CCDC102B: variants seen among roughly 807,000 people sequenced by gnomAD.
The protein encoded by CCDC102B is coiled-coil domain containing 102B, also known as coiled-coil domain-containing protein 102B.
Under a neutral mutation model 57.4 loss-of-function variants are expected in CCDC102B, and 75 were observed. That is an observed-to-expected ratio of 1.31 (90% CI 1.08 to 1.58). CCDC102B has a LOEUF of 1.58. Among genes scored for constraint, CCDC102B ranks in the 40% most tolerant of loss-of-function variants. The pLI is 0.00. For synonymous variants in CCDC102B, 206 were observed against 201.9 expected (o/e 1.02, Z -0.17); for missense variants, 636 against 582.6 (o/e 1.09, Z -0.94).
At position 68,843,430 on chromosome 18, in the gene CCDC102B, A is replaced by C. The variant is rs146759069; in HGVS notation, c.828-2883A>C. Among the ~76,000 whole-genome samples, 626 of 152,240 alleles carry C rather than the reference A, an allele frequency of 4.1e-3. 9 individuals are homozygous for C. Among genetic ancestry groups the C allele is most frequent in the African/African-American group, 0.014 (573 of 41,574 alleles). ...TATTAATTTTTAGGACCTTTCATCT[A>C]TGAGAAATATTTGAGTAATATTCTT... On this transcript the variant is annotated intron_variant, in intron 3 of 7. Transcript: ENST00000360242.
chr18:68,888,744 T>A (rs1309236062), intron 5 of CCDC102B, among the ~76,000 whole-genome samples: 1 of 152,182 alleles, frequency 6.6e-6, no homozygotes, highest in Admixed American at 6.5e-5. Flanking sequence ...AGAGAAACAA[T>A]GCCATGTTGT....
chr18:68,965,451 A>C (rs2050144852), intron 6 of CCDC102B, among the ~76,000 whole-genome samples: 1 of 149,194 alleles, frequency 6.7e-6, no homozygotes, highest in Non-Finnish European at 1.5e-5. Flanking sequence ...TTTTTCTGAG[A>C]GTTTCTGTGT....
chr18:68,742,007 A>G (rs945376096), intron 2 of CCDC102B, among the ~76,000 whole-genome samples: 21 of 152,192 alleles, frequency 1.4e-4, no homozygotes, highest in African/African-American at 5.1e-4. Context: ...AAACATCAAA[A>G]AATGGAGGCT....
intron 4 of CCDC102B, among the ~76,000 whole-genome samples, chr18:68,854,536 A>G (rs1404409598): frequency 6.6e-6 from 1 of 152,156 alleles, no homozygotes; most frequent in East Asian, 1.9e-4. Flanking sequence ...GCTCAGAAAT[A>G]TAAAAAAAAA....
intron 6 of CCDC102B, among the ~76,000 whole-genome samples, chr18:69,000,844 T>A (rs1268546400): frequency 6.6e-6 from 1 of 152,168 alleles, no homozygotes; most frequent in South Asian, 2.1e-4. Context: ...CATTACTTTT[T>A]TATATATATA....
At chr18:68,758,029 G>A (rs1200158597) in intron 2 of CCDC102B, among the ~76,000 whole-genome samples, 1 of 152,002 alleles carries the variant, frequency 6.6e-6, no homozygotes, top group African/African-American at 2.4e-5. Flanking sequence ...CTTTATGGTG[G>A]TGTCTTAATT....
chr18:68,989,614 A>C (rs893562613), intron 6 of CCDC102B, among the ~76,000 whole-genome samples: 7 of 152,188 alleles, frequency 4.6e-5, no homozygotes, highest in African/African-American at 1.7e-4. Flanking sequence ...AGCCTCAGGC[A>C]GGGGGCCTGC....
At chr18:68,841,059 A>C (rs1193891786) in intron 3 of CCDC102B, among the ~76,000 whole-genome samples, 2 of 152,202 alleles carry the variant, frequency 1.3e-5, no homozygotes, top group Non-Finnish European at 2.9e-5. Flanking sequence ...ATGAATCAAC[A>C]TTTGCATGCA....
At chr18:68,975,278 A>G (rs2050405426) in intron 6 of CCDC102B, among the ~76,000 whole-genome samples, 2 of 152,022 alleles carry the variant, frequency 1.3e-5, no homozygotes, top group African/African-American at 2.4e-5. Flanking sequence ...CTTTTATGCT[A>G]TGAACATTTC....
chr18:68,790,185 A>G (rs371151979), intron 2 of CCDC102B, among the ~76,000 whole-genome samples: 3,256 of 151,094 alleles, frequency 0.022, 86 homozygotes, highest in African/African-American at 0.056. Context: ...CAGTCTGCCC[A>G]TTCTCAGATC....
At chr18:69,046,816 C>T (rs1397161789) in intron 7 of CCDC102B, among the ~76,000 whole-genome samples, 1 of 152,072 alleles carries the variant, frequency 6.6e-6, no homozygotes, top group East Asian at 1.9e-4. Flanking sequence ...CCACATATGG[C>T]TAGCCAGTTA....
chr18:68,998,317 ATG>A (rs2051087387), intron 6 of CCDC102B, among the ~76,000 whole-genome samples: 1 of 36,686 alleles, frequency 2.7e-5, no homozygotes, highest in African/African-American at 4.0e-5. Context: ...ATATATACAC[ATG>A]TGTCTCTATA....
chr18:68,752,587 T>C (rs1424312354), intron 2 of CCDC102B, among the ~76,000 whole-genome samples: 3 of 152,066 alleles, frequency 2.0e-5, no homozygotes, highest in Non-Finnish European at 4.4e-5. Context: ...GGTAAACTCC[T>C]TCTAAATTTT....
intron 2 of CCDC102B, among the ~76,000 whole-genome samples, chr18:68,784,401 A>G (rs1226513118): frequency 6.6e-6 from 1 of 152,092 alleles, no homozygotes; most frequent in African/African-American, 2.4e-5. Context: ...GTTGTAAACC[A>G]TTCATGAAAG....
intron 6 of CCDC102B, among the ~76,000 whole-genome samples, chr18:68,904,147 A>G (rs2040545083): frequency 6.6e-6 from 1 of 152,238 alleles, no homozygotes; most frequent in South Asian, 2.1e-4. Flanking sequence ...AGATAACATT[A>G]TATTGGATCA....
chr18:68,810,926 C>T (rs1218720157), intron 1 of CCDC102B, among the ~76,000 whole-genome samples: 1 of 152,064 alleles, frequency 6.6e-6, no homozygotes, highest in Non-Finnish European at 1.5e-5. Flanking sequence ...TCAGCTCCCA[C>T]TTATGAGTGA....
intron 2 of CCDC102B, among the ~76,000 whole-genome samples, chr18:68,717,287 G>A (rs1170480736): frequency 2.6e-5 from 4 of 152,130 alleles, no homozygotes; most frequent in Admixed American, 1.3e-4. Flanking sequence ...AATTAGAGAC[G>A]TTGTAATGAG....
intron 4 of CCDC102B, chr18:68,866,901 C>T: frequency 3.3e-6 from 2 of 607,644 alleles, no homozygotes; most frequent in Admixed American, 4.0e-5. Flanking sequence ...ATGTATCACA[C>T]CTGGAGTGGG....
intron 7 of CCDC102B, among the ~76,000 whole-genome samples, chr18:69,046,789 G>A (rs779379319): frequency 2.6e-5 from 4 of 152,134 alleles, no homozygotes; most frequent in Non-Finnish European, 4.4e-5. Context: ...ATAAAGAAGG[G>A]GTCCAGTTTC....
Sources: gnomAD v4.1 joint callset for allele counts (sites outside exome capture counted in the v4.1 genomes callset) on GRCh38, gnomAD v4.1.1 for gene constraint, MANE v1.5 for transcripts, NCBI Gene and HGNC (gene_info 2026-07-23, HGNC 2026-07-21) for gene names.